The following RP1 variants were observed in gnomAD, a reference collection of about 807,000 sequenced individuals.
RP1 encodes RP1 axonemal microtubule associated, also known as oxygen-regulated protein 1.
Under a neutral mutation model 14.8 loss-of-function variants are expected in RP1, and 16 were observed. That is an observed-to-expected ratio of 1.08 (90% CI 0.73 to 1.65). The LOEUF (loss-of-function observed/expected upper bound fraction) is 1.65. RP1 is among the 40% of genes most tolerant of loss of function. RP1 has a pLI of 0.00. For missense variants in RP1, 2,631 were observed against 2,535.0 expected (o/e 1.04, Z -0.81); for synonymous variants, 876 against 883.6 (o/e 0.99, Z 0.15).
At chr8:54,763,747 T>C (rs1809698153) in intron 22 of RP1, among the ~76,000 whole-genome samples, 1 of 152,112 alleles carries the variant, frequency 6.6e-6, no homozygotes, top group South Asian at 2.1e-4. Flanking sequence ...ATGACCAGCT[T>C]TGTCCTCTCA....
intron 1 of RP1, among the ~76,000 whole-genome samples, chr8:54,601,625 A>C (rs1480058810): frequency 6.6e-6 from 1 of 151,956 alleles, no homozygotes; most frequent in South Asian, 2.1e-4. Flanking sequence ...AAGAAGCGAT[A>C]GTACCAAAGA....
At chr8:54,703,143 C>T (rs1808065433) in intron 14 of RP1, among the ~76,000 whole-genome samples, 4 of 152,170 alleles carry the variant, frequency 2.6e-5, no homozygotes, top group Non-Finnish European at 5.9e-5. Context: ...TTCTTAATGG[C>T]ATCTAGAATG....
chr8:54,661,513 G>A (rs1185810477), intron 6 of RP1, among the ~76,000 whole-genome samples: 1 of 151,418 alleles, frequency 6.6e-6, no homozygotes, highest in Non-Finnish European at 1.5e-5. Flanking sequence ...CTTTAGAAAA[G>A]GATTGTCAAG....
chr8:54,658,917 A>G (rs1208874904), intron 6 of RP1, among the ~76,000 whole-genome samples: 3 of 148,802 alleles, frequency 2.0e-5, no homozygotes, highest in South Asian at 2.1e-4. Flanking sequence ...TGGCCATCCT[A>G]ATGGGTGTGA....
At chr8:54,574,664 T>G (rs1420294992) in intron 1 of RP1, among the ~76,000 whole-genome samples, 3 of 152,166 alleles carry the variant, frequency 2.0e-5, no homozygotes, top group African/African-American at 7.2e-5. Context: ...TCTATGAAGT[T>G]TTATTTGAAA....
intron 7 of RP1, chr8:54,673,775 T>C (rs1168792130): frequency 2.6e-6 from 3 of 1,163,284 alleles, no homozygotes; most frequent in African/African-American, 1.6e-5. Context: ...CAACAAACAC[T>C]GCATCTTAAT....
At chr8:54,642,748 A>G (rs1273701194) in intron 3 of RP1, among the ~76,000 whole-genome samples, 1 of 152,178 alleles carries the variant, frequency 6.6e-6, no homozygotes, top group Non-Finnish European at 1.5e-5. Context: ...AAATAGTTAC[A>G]TTAAAGAATA....
At chr8:54,587,753 G>C (rs1804963732) in intron 1 of RP1, among the ~76,000 whole-genome samples, 1 of 152,208 alleles carries the variant, frequency 6.6e-6, no homozygotes, top group South Asian at 2.1e-4. Flanking sequence ...TACTGACAGG[G>C]ACATGAGCAA....
intron 1 of RP1, among the ~76,000 whole-genome samples, chr8:54,593,400 G>A (rs145984778): frequency 2.0e-5 from 3 of 152,244 alleles, no homozygotes; most frequent in African/African-American, 4.8e-5. Context: ...TGCTACTAGT[G>A]TATCACCTTG....
chr8:54,761,985 G>T (rs986213595), intron 22 of RP1, among the ~76,000 whole-genome samples: 1 of 152,144 alleles, frequency 6.6e-6, no homozygotes, highest in Non-Finnish European at 1.5e-5. Context: ...AGCCTTTTCT[G>T]TGCATATGAG....
In RP1 at chr8:54,625,010, A is replaced by C. The variant is rs1422016208; in HGVS notation, c.1128A>C (p.Arg376=). The C allele has an allele frequency of 6.2e-7, 1 of 1,614,212 alleles. No individual in the cohort carries two copies. The highest frequency in any genetic ancestry group is 1.1e-5 in the South Asian group (1 of 91,074). ...EMSFPGRTES[R]SSGLKLAACS... ...GTTTTCCAGGAAGAACAGAAAGTCG[A>C]TCATCTGGTTTAAAGCTTGCAGCAT... Residue 376 remains arginine (R), a synonymous_variant, in exon 4 of 4, where the codon CGA becomes CGC. Transcript: ENST00000220676.
intron 12 of RP1, among the ~76,000 whole-genome samples, chr8:54,686,662 A>G (rs980848427): frequency 3.3e-5 from 5 of 152,146 alleles, no homozygotes; most frequent in Non-Finnish European, 7.3e-5. Context: ...TGTTGTCTCT[A>G]TTGTGGGATC....
rs777039347 is a variant in RP1, at chr8:54,734,756, T to A, written c.2721+12T>A. Reference sequence around the variant, plus strand: ...AGGATGAGTTTCAGGTAAACAACACTGGCAGTAATATTTTCCTGTGAACAT... The same window carrying A: ...AGGATGAGTTTCAGGTAAACAACACAGGCAGTAATATTTTCCTGTGAACAT... On this transcript the variant is annotated intron_variant, in intron 18 of 22. Coordinates refer to the RP1 transcript ENST00000636932. The A allele has an allele frequency of 1.0e-4, 157 of 1,520,054 alleles. 3 individuals carry two copies. The South Asian group carries it at 1.6e-3, about 16-fold the overall frequency. The allele number at this position is 1,520,054 out of a possible 1,614,324, so 94.2% of individuals were successfully genotyped here.
chr8:54,860,759 G>C (rs756051562), intron 27 of RP1, among the ~76,000 whole-genome samples: 14 of 152,226 alleles, frequency 9.2e-5, no homozygotes, highest in Non-Finnish European at 1.9e-4. Flanking sequence ...AGGGCCTATG[G>C]TGACAGACAC....
At chr8:54,704,828 T>G (rs1303842510) in intron 14 of RP1, among the ~76,000 whole-genome samples, 1 of 152,138 alleles carries the variant, frequency 6.6e-6, no homozygotes, top group Admixed American at 6.5e-5. Context: ...AATACTCAAA[T>G]GTAACTATTA....
rs180677212 is a variant in RP1, at chr8:54,563,742, T to C, written c.-13+4422T>C. 1.0e-3 allele frequency among the ~76,000 whole-genome samples: 154 copies of C among 152,014 alleles called. 1 individual carries two copies. The highest frequency in any genetic ancestry group is 4.1e-4 in the Non-Finnish European group (28 of 67,966). The stretch of plus-strand genomic sequence containing the variant: ...TTTTTTATTTTTTGTAGAGATGAGA[T>C]CTTACTATGTAGCTTAGGGTGGTCT... On this transcript the variant is annotated intron_variant, in intron 1 of 22. Coordinates refer to the RP1 transcript ENST00000636932.
intron 7 of RP1, chr8:54,673,700 A>G (rs544477729): frequency 1.6e-6 from 1 of 628,344 alleles, no homozygotes; most frequent in Non-Finnish European, 2.7e-6. Context: ...AGATTGTGTC[A>G]TTGCACTCCA....
At position 54,682,462 on chromosome 8, in the gene RP1, C is replaced by T. The variant is rs1202221235; in HGVS notation, c.1717+2529C>T. On this transcript the variant is annotated intron_variant, in intron 12 of 22. Transcript: ENST00000636932. Reference sequence around the variant, plus strand: ...CCATTTTACCTGGCAATCCCATTACCGAGTATATACCCACAGGAATATAAA... The same window carrying T: ...CCATTTTACCTGGCAATCCCATTACTGAGTATATACCCACAGGAATATAAA... Among the ~76,000 whole-genome samples the T allele has an allele frequency of 5.9e-5, 9 of 151,828 alleles. No homozygotes were observed. The South Asian group carries it at 6.2e-4, about 11-fold the overall frequency.
chr8:54,863,456 A>T (rs560281596), intron 27 of RP1, among the ~76,000 whole-genome samples: 3 of 152,234 alleles, frequency 2.0e-5, no homozygotes, highest in Non-Finnish European at 4.4e-5. Context: ...TAATGACTAC[A>T]GTTTATACAT....
Sources: allele counts gnomAD v4.1 joint callset (sites outside exome capture counted in the v4.1 genomes callset), GRCh38; gene constraint gnomAD v4.1.1; transcripts MANE v1.5; gene names NCBI Gene and HGNC (gene_info 2026-07-23, HGNC 2026-07-21).